MPRIP: variants seen among roughly 807,000 people sequenced by gnomAD.
MPRIP encodes the protein myosin phosphatase Rho interacting protein.
A neutral mutation model predicts 234.9 loss-of-function variants in MPRIP; 59 were observed. The ratio of observed to expected loss-of-function variants is 0.25; its 90% CI spans 0.20 to 0.31. MPRIP has a LOEUF of 0.31. MPRIP is among the 10% of genes least tolerant of loss of function. MPRIP has a pLI of 1.00. For missense variants in MPRIP, 2,436 were observed against 3,071.0 expected, an observed-to-expected ratio of 0.79 and a Z score of 4.89; for synonymous variants, 1,144 against 1,263.9, an observed-to-expected ratio of 0.91 and a Z score of 2.01.
intron 3 of MPRIP, among the ~76,000 whole-genome samples, chr17:17,099,018 TC>T (rs2089907322): frequency 6.6e-6 from 1 of 152,134 alleles, no homozygotes; most frequent in Admixed American, 6.5e-5. Context: ...GCTTCCACCA[TC>T]CCCTAGAGGG....
At chr17:17,178,929 G>GA (rs373107590) in intron 22 of MPRIP, among the ~76,000 whole-genome samples, 29 of 146,906 alleles carry the variant, frequency 2.0e-4, no homozygotes, top group East Asian at 4.1e-4. Flanking sequence ...AAAAAAAAAA[G>GA]AAAAAAAAAA....
intron 3 of MPRIP, among the ~76,000 whole-genome samples, chr17:17,083,944 T>C (rs936920062): frequency 1.3e-5 from 2 of 152,162 alleles, no homozygotes; most frequent in Non-Finnish European, 2.9e-5. Flanking sequence ...GGTTTCATCG[T>C]GTTAGCCAGG....
intron 1 of MPRIP, among the ~76,000 whole-genome samples, chr17:17,061,052 G>T (rs6502559): frequency 0.045 from 6,813 of 152,286 alleles, 474 homozygotes; most frequent in African/African-American, 0.14. Context: ...CATGGTCAGA[G>T]GTGTGTGCTG....
At chr17:17,093,220 G>T (rs2089760399) in intron 3 of MPRIP, among the ~76,000 whole-genome samples, 1 of 152,228 alleles carries the variant, frequency 6.6e-6, no homozygotes, top group Non-Finnish European at 1.5e-5. Flanking sequence ...TGTTTGAATT[G>T]TAACAACTTT....
intron 6 of MPRIP, among the ~76,000 whole-genome samples, chr17:17,137,082 C>T (rs1333984725): frequency 1.3e-5 from 2 of 152,184 alleles, no homozygotes; most frequent in African/African-American, 4.8e-5. Context: ...GCCCAGCTCG[C>T]TCTGTCTGCA....
Position 17,167,678 on chromosome 17 carries a change from G to T in MPRIP, c.6087G>T (p.Arg2029Ser). The change falls in exon 16 of 24, where the codon AGG becomes AGT. Residue 2029 changes from arginine (R) to serine (S), a missense_variant. By Grantham distance (110) the Arg-to-Ser change is moderately radical (BLOSUM62 -1). This residue lies in a region of MPRIP where 1,998 missense variants were observed against 2,520.3 expected (regional missense o/e 0.79). Coordinates refer to ENST00000651222, the MANE Select transcript of MPRIP (RefSeq NM_001364716.4). The surrounding 1 kb of genome is among the most constrained non-coding windows in gnomAD (Gnocchi z 5.9). ...TLQEHYSQSL[R>S]CLQDTLCLHQ... ...AGGAGCACTACTCGCAGAGCCTGAG[G>T]TGCCTTCAGGACACCCTCTGCCTCC... The T allele has an allele frequency of 7.7e-7, 1 of 1,304,178 alleles. No individual in the cohort carries two copies. Among genetic ancestry groups the T allele is most frequent in the Non-Finnish European group, 1.0e-6 (1 of 988,942 alleles). The allele number at this position is 1,304,178 out of a possible 1,614,324, so 80.8% of individuals were successfully genotyped here.
At chr17:17,124,626 C>A (rs539896044) in intron 3 of MPRIP, among the ~76,000 whole-genome samples, 18 of 152,334 alleles carry the variant, frequency 1.2e-4, no homozygotes, top group African/African-American at 3.4e-4. Flanking sequence ...GCACTGGCCA[C>A]TTTACCATTT....
At chr17:17,055,051 A>G (rs2088652280) in intron 1 of MPRIP, among the ~76,000 whole-genome samples, 1 of 147,368 alleles carries the variant, frequency 6.8e-6, no homozygotes, top group Non-Finnish European at 1.5e-5. Context: ...CCCTGTATCA[A>G]AAAAAAAAAA....
At position 17,173,933 on chromosome 17, in the gene MPRIP, T is replaced by G; in HGVS notation, c.6608T>G (p.Val2203Gly). 6.2e-7 allele frequency: 1 copy of G among 1,613,522 alleles called. No individual in the cohort carries two copies. Among genetic ancestry groups the G allele is most frequent in the Non-Finnish European group, 8.5e-7 (1 of 1,179,926 alleles). Residue 2203 changes from valine to glycine, a missense_variant, in exon 19 of 24, where the codon GTG (valine) becomes GGG (glycine). Transcript: ENST00000651222. ...CTCCCCAGGGAGGAGCTGCAGTCGG[T>G]GCAGCGGGAACTGGAGGTCCTCTCG... Reference protein sequence around the residue: ...RRQYLEELQSVQRELEVLSEQ... With the variant: ...RRQYLEELQSGQRELEVLSEQ...
rs374708258 is a variant in MPRIP at position 17,146,017 on chromosome 17, T to A, written c.1504-19T>A. 103 of 1,613,108 alleles carry A rather than the reference T, an allele frequency of 6.4e-5. No individual in the cohort carries two copies. Among genetic ancestry groups the A allele is most frequent in the Non-Finnish European group, 8.3e-5 (98 of 1,179,462 alleles). On this transcript the variant is annotated intron_variant, in intron 9 of 23. Transcript: ENST00000651222. ...TAGAAGAGTTTCCTCTGAGCTGTTC[T>A]TTTTTCTCCCTTTCTCAGCCCGACC...
chr17:17,154,055 C>T (rs1392994836), intron 12 of MPRIP, among the ~76,000 whole-genome samples: 1 of 97,422 alleles, frequency 1.0e-5, no homozygotes, highest in African/African-American at 3.6e-5. Context: ...TAACTGTGAG[C>T]TTGTTACTGA....
rs1385305154 is a variant in MPRIP at position 17,138,173 on chromosome 17, A to T, written c.994A>T (p.Ser332Cys). 5.2e-6 allele frequency: 6 copies of T among 1,148,232 alleles called. No homozygotes were observed. In the African/African-American group the frequency reaches 7.9e-5, roughly 15 times the overall value. The allele number at this position is 1,148,232 out of a possible 1,614,324, so 71.1% of individuals were successfully genotyped here. Residue 332 changes from serine (S) to cysteine (C), a missense_variant, in exon 7 of 24, where the codon AGC becomes TGC. Ser to Cys is a moderately radical substitution (Grantham distance 112). Around this residue, in one of 4 missense-constraint regions of MPRIP, gnomAD observed 267 missense variants for 252.7 expected, o/e 1.06. Coordinates refer to ENST00000651222, the MANE Select transcript of MPRIP (RefSeq NM_001364716.4). This position sits in a 1 kb window ranked among gnomAD's most constrained non-coding sequence, Gnocchi z 5.8. ...CCAAATGGTCTGCAGCATCTCCCTC[A>T]GCTCCCTGGATGTGGCCAGCCAGCC... is the stretch of plus-strand genomic sequence containing the variant. The part of the protein sequence containing the change: ...PHQMVCSISL[S>C]SLDVASQPPA...
At chr17:17,144,517 C>T (rs2144519149) in intron 9 of MPRIP, among the ~76,000 whole-genome samples, 1 of 152,332 alleles carries the variant, frequency 6.6e-6, no homozygotes, top group African/African-American at 2.4e-5. Context: ...GCAGGCTTGG[C>T]TTCAATGGCA....
chr17:17,142,861 G>A (rs2045360482), intron 8 of MPRIP, 96 bp downstream of exon 8: 2 of 1,402,752 alleles, frequency 1.4e-6, no homozygotes, highest in African/African-American at 2.8e-5. Flanking sequence ...GGCCTGGGAT[G>A]TGCTCCTGCC....
chr17:17,150,185 C>T lies in MPRIP; in HGVS notation c.1671C>T (p.Tyr557=), dbSNP rs779864084. The T allele has an allele frequency of 6.4e-5, 104 of 1,613,518 alleles. No individual in the cohort carries two copies. The highest frequency in any genetic ancestry group is 1.6e-4 in the Middle Eastern group (1 of 6,084). Reference sequence around the variant, plus strand: ...GAGAAATTGACTTGTCCGCATGTTACGATGTCACAGAGTATCCAGTTCAGA... The same window carrying T: ...GAGAAATTGACTTGTCCGCATGTTATGATGTCACAGAGTATCCAGTTCAGA... The part of the protein sequence containing the change: ...LDGEIDLSAC[Y]DVTEYPVQRN... The change falls in exon 12 of 24, where the codon TAC becomes TAT. Residue 557 remains tyrosine, a synonymous_variant. Coordinates refer to ENST00000651222, the MANE Select transcript of MPRIP (RefSeq NM_001364716.4).
chr17:17,055,267 G>A (rs1043283447), intron 1 of MPRIP, among the ~76,000 whole-genome samples: 2 of 152,106 alleles, frequency 1.3e-5, no homozygotes, highest in Non-Finnish European at 2.9e-5. Context: ...ATTAAGAGAA[G>A]CCATGCTTAT....
intron 3 of MPRIP, among the ~76,000 whole-genome samples, chr17:17,086,919 T>A (rs1239300633): frequency 6.6e-6 from 1 of 152,146 alleles, no homozygotes; most frequent in East Asian, 1.9e-4. Context: ...TTTGTCATAG[T>A]TGGGAGGTTG....
At chr17:17,172,464 A>AT (rs1355452013) in intron 17 of MPRIP, among the ~76,000 whole-genome samples, 1 of 152,246 alleles carries the variant, frequency 6.6e-6, no homozygotes, top group Non-Finnish European at 1.5e-5. Flanking sequence ...CCAAAAAAAA[A>AT]GCCAAACGTG....
At chr17:17,077,669 G>A in intron 2 of MPRIP, 1 of 236,402 alleles carries the variant, frequency 4.2e-6, no homozygotes, top group Non-Finnish European at 8.4e-6. Context: ...CACATGTCAT[G>A]TGATGCATTC....
Sources: gnomAD v4.1 joint callset for allele counts (sites outside exome capture counted in the v4.1 genomes callset) on GRCh38, gnomAD v4.1.1 for gene constraint, gnomAD v4.1.1 regional missense constraint, Gnocchi (gnomAD v3.1) non-coding constraint, MANE v1.5 for transcripts, NCBI Gene and HGNC (gene_info 2026-07-23, HGNC 2026-07-21) for gene names.